The following GPHN variants were observed in gnomAD, a reference collection of about 807,000 sequenced individuals.
The protein encoded by GPHN is gephyrin.
In GPHN, 17 loss-of-function variants were observed where a neutral mutation model predicts 95.5. The ratio of observed to expected loss-of-function variants is 0.18; its 90% CI spans 0.12 to 0.27. The LOEUF is 0.27. Among genes scored for constraint, GPHN ranks in the 10% least tolerant of loss-of-function variants. The pLI, the probability that GPHN is intolerant of heterozygous loss-of-function variation, is 1.00. For synonymous variants in GPHN, 320 were observed against 322.5 expected, an observed-to-expected ratio of 0.99 and a Z score of 0.08; for missense variants, 660 against 978.1, an observed-to-expected ratio of 0.67 and a Z score of 4.34.
the GPHN span, chr14:67,573,229 C>A: frequency 2.5e-6 from 3 of 1,191,560 alleles, no homozygotes; most frequent in Middle Eastern, 1.9e-4. The surrounding 1 kb of genome is among the most constrained non-coding windows in gnomAD (Gnocchi z 4.8). Flanking sequence ...TGTCTAGGAG[C>A]CCTGAGTGAT....
chr14:67,511,948 C>T, the GPHN span, among the ~76,000 whole-genome samples: 201 of 152,360 alleles, frequency 1.3e-3, no homozygotes, highest in African/African-American at 4.7e-3. Context: ...GTGAAAACCA[C>T]TGCCTTTTCC....
rs547728612 is a variant in GPHN, at chr14:67,057,674, G to GCTTC, written c.1007-960_1007-957dup. Among the ~76,000 whole-genome samples the GCTTC allele has an allele frequency of 5.7e-4, 86 of 151,828 alleles. 3 individuals carry two copies. The South Asian group carries it at 0.016, about 28-fold the overall frequency. On this transcript the variant is annotated intron_variant, in intron 10 of 22. Coordinates refer to ENST00000478722, the MANE Select transcript of GPHN (RefSeq NM_020806.5). ...TCTTTTTCTTTCTCCTTCTTTTCTT[G>GCTTC]CTTCCTTCCTTCCTTCCTCTTTCTC...
intron 9 of GPHN, among the ~76,000 whole-genome samples, chr14:66,972,016 G>T (rs541847199): frequency 1.3e-5 from 2 of 151,954 alleles, no homozygotes; most frequent in East Asian, 1.9e-4. Context: ...ATCTGTAATC[G>T]TAGCACTTTG....
chr14:67,465,714 A>G, the GPHN span, among the ~76,000 whole-genome samples: 14 of 152,238 alleles, frequency 9.2e-5, no homozygotes, highest in African/African-American at 3.4e-4. Flanking sequence ...AAAAAGATGT[A>G]GCCACGTCCA....
the GPHN span, among the ~76,000 whole-genome samples, chr14:67,722,202 A>T: frequency 6.6e-6 from 1 of 151,682 alleles, no homozygotes; most frequent in Non-Finnish European, 1.5e-5. Context: ...ATTTTAATCC[A>T]CTCATATTTT....
the GPHN span, chr14:67,198,191 G>T: frequency 1.2e-6 from 2 of 1,613,728 alleles, no homozygotes; most frequent in Non-Finnish European, 1.7e-6. Context: ...AGACTACCAT[G>T]AGGATCAATA....
chr14:67,200,095 C>A, the GPHN span: 1 of 1,016,272 alleles, frequency 9.8e-7, no homozygotes, highest in Non-Finnish European at 1.5e-6. Context: ...TTATCCTGGA[C>A]CTCCTCCAAT....
At chr14:67,680,751 G>T in the GPHN span, among the ~76,000 whole-genome samples, 1 of 152,198 alleles carries the variant, frequency 6.6e-6, no homozygotes, top group Admixed American at 6.5e-5. Flanking sequence ...GAGCCGCCGC[G>T]CCCAGCCAAG....
intron 11 of GPHN, among the ~76,000 whole-genome samples, chr14:67,061,712 A>G (rs1350453875): frequency 6.6e-6 from 1 of 151,702 alleles, no homozygotes; most frequent in Non-Finnish European, 1.5e-5. Context: ...AGGTCTCACT[A>G]TGTTTCCCAG....
At chr14:66,526,708 G>A (rs1315708264) in intron 1 of GPHN, among the ~76,000 whole-genome samples, 2 of 152,072 alleles carry the variant, frequency 1.3e-5, no homozygotes, top group East Asian at 3.9e-4. Context: ...TTTGTCGAAG[G>A]CCTTTTCTGC....
At chr14:67,301,337 T>C in the GPHN span, 31 of 1,193,466 alleles carry the variant, frequency 2.6e-5, no homozygotes, top group Non-Finnish European at 3.8e-5. Flanking sequence ...ATACAGGTGC[T>C]ACTGATACTT....
intron 18 of GPHN, among the ~76,000 whole-genome samples, chr14:67,145,573 C>G (rs188637434): frequency 9.2e-5 from 14 of 152,094 alleles, no homozygotes; most frequent in Non-Finnish European, 1.6e-4. Flanking sequence ...CCCTTCCTAC[C>G]TCCTTGAGTG....
chr14:66,685,529 A>G (rs1191116272), intron 2 of GPHN, among the ~76,000 whole-genome samples: 2 of 151,990 alleles, frequency 1.3e-5, no homozygotes, highest in Admixed American at 6.6e-5. Flanking sequence ...TCATGTATCT[A>G]TTTGCTGCAT....
the GPHN span, among the ~76,000 whole-genome samples, chr14:67,261,444 T>C: frequency 6.6e-6 from 1 of 152,168 alleles, no homozygotes; most frequent in African/African-American, 2.4e-5. Flanking sequence ...TGTTTAGGGA[T>C]ATTACAGTTA....
downstream of GPHN, chr14:67,181,949 T>G (rs2083330949): frequency 6.3e-6 from 1 of 157,892 alleles, no homozygotes; most frequent in Admixed American, 6.5e-5. Context: ...TACTACAATA[T>G]GTGGGGAAAA....
At chr14:67,176,321 T>A (rs1414564625) in intron 21 of GPHN, among the ~76,000 whole-genome samples, 4 of 152,228 alleles carry the variant, frequency 2.6e-5, no homozygotes, top group Admixed American at 2.6e-4. Context: ...CTTTTCTGCA[T>A]GTATTGAGAT....
chr14:67,716,226 A>G, the GPHN span, among the ~76,000 whole-genome samples: 1 of 152,046 alleles, frequency 6.6e-6, no homozygotes, highest in African/African-American at 2.4e-5. Context: ...GAAAAAAGAA[A>G]TTGCCTAACT....
At chr14:67,439,482 C>T in the GPHN span, among the ~76,000 whole-genome samples, 1 of 152,176 alleles carries the variant, frequency 6.6e-6, no homozygotes. Flanking sequence ...AAGATTCATC[C>T]TAGCATATTA....
At chr14:67,573,990 G>T in the GPHN span, 3 of 853,304 alleles carry the variant, frequency 3.5e-6, no homozygotes, top group Non-Finnish European at 5.9e-6. This position sits in a 1 kb window ranked among gnomAD's most constrained non-coding sequence, Gnocchi z 4.8. Flanking sequence ...ATGAATGAAA[G>T]ACTTCAGATC....
Sources: allele counts gnomAD v4.1 joint callset (sites outside exome capture counted in the v4.1 genomes callset), GRCh38; gene constraint gnomAD v4.1.1; non-coding constraint Gnocchi (gnomAD v3.1); transcripts MANE v1.5; gene names NCBI Gene and HGNC (gene_info 2026-07-23, HGNC 2026-07-21).